The following COL4A2 variants were observed in gnomAD, a reference collection of about 807,000 sequenced individuals.
The protein encoded by COL4A2 is collagen type IV alpha 2 chain.
A neutral mutation model predicts 200.2 loss-of-function variants in COL4A2; 99 were observed. The ratio of observed to expected loss-of-function variants is 0.49; its 90% CI spans 0.42 to 0.58. The LOEUF is 0.58. Among genes scored for constraint, COL4A2 ranks in the 20% least tolerant of loss-of-function variants. The pLI is 0.00. For synonymous variants in COL4A2, 897 were observed against 900.6 expected, an observed-to-expected ratio of 1.00 and a Z score of 0.07; for missense variants, 1,950 against 2,314.1, an observed-to-expected ratio of 0.84 and a Z score of 3.23.
intron 46 of COL4A2, among the ~76,000 whole-genome samples, 195 bp downstream of exon 46, chr13:110,506,801 C>T (rs775540447): frequency 8.5e-5 from 13 of 152,214 alleles, no homozygotes; most frequent in Admixed American, 2.6e-4. Flanking sequence ...GCCCTTAAAC[C>T]TCAGGACCTT....
chr13:110,318,913 T>G (rs909871151), intron 3 of COL4A2, among the ~76,000 whole-genome samples: 2 of 152,054 alleles, frequency 1.3e-5, no homozygotes, highest in African/African-American at 4.8e-5. Context: ...TAATGAAATA[T>G]TCCATATTTC....
At chr13:110,316,098 G>C (rs1252401742) in intron 3 of COL4A2, among the ~76,000 whole-genome samples, 2 of 152,148 alleles carry the variant, frequency 1.3e-5, no homozygotes, top group Non-Finnish European at 2.9e-5. Context: ...CCCACCCATA[G>C]AATTCCTGTT....
chr13:110,419,635 G>C (rs1439198200), intron 4 of COL4A2, among the ~76,000 whole-genome samples: 2 of 152,164 alleles, frequency 1.3e-5, no homozygotes, highest in African/African-American at 2.4e-5. Flanking sequence ...CCACGGTCGT[G>C]GTATTTGAGT....
intron 24 of COL4A2, among the ~76,000 whole-genome samples, chr13:110,462,832 C>T (rs542785911): frequency 4.6e-5 from 7 of 152,284 alleles, no homozygotes; most frequent in East Asian, 1.9e-4. Flanking sequence ...GGGTCAGAGG[C>T]GCGGGAGGCA....
At chr13:110,467,450 G>C (rs1238504878) in intron 27 of COL4A2, among the ~76,000 whole-genome samples, 1 of 152,250 alleles carries the variant, frequency 6.6e-6, no homozygotes, top group Non-Finnish European at 1.5e-5. Flanking sequence ...CCAGGATCTA[G>C]GGGAAGAACC....
At chr13:110,477,877 C>A in intron 29 of COL4A2, 126 bp from the exon 30 acceptor site, 1 of 981,182 alleles carries the variant, frequency 1.0e-6, no homozygotes, top group Non-Finnish European at 1.4e-6. Flanking sequence ...TTGTGTTTTC[C>A]TGATTCTCTA....
At chr13:110,436,501 C>A in intron 13 of COL4A2, 134 bp downstream of exon 13, 1 of 1,211,326 alleles carries the variant, frequency 8.3e-7, no homozygotes, top group Non-Finnish European at 1.1e-6. Context: ...CCCATGAAAA[C>A]ATAACCGGGT....
In COL4A2 at chr13:110,459,507, T is replaced by C. The variant is rs2139494701; in HGVS notation, c.1596+573T>C. The C allele has an allele frequency of 2.7e-5, 4 of 146,604 alleles. No homozygotes were observed. In the Middle Eastern group the frequency reaches 0.014, roughly 509 times the overall value. 9.1% of individuals were successfully genotyped at this position (146,604 alleles called of 1,614,324 possible). A position where few individuals can be genotyped will look rare whatever the true frequency, so the allele number is the denominator to read the frequency against. The stretch of plus-strand genomic sequence containing the variant: ...TATCACATGGTCTCTCATTCTATTC[T>C]TATGAAATGTCCACACAGGCAACCT... On this transcript the variant is annotated intron_variant, in intron 22 of 47. Coordinates refer to ENST00000360467, the MANE Select transcript of COL4A2 (RefSeq NM_001846.4).
At chr13:110,390,172 C>A (rs1878934117) in intron 4 of COL4A2, among the ~76,000 whole-genome samples, 2 of 152,210 alleles carry the variant, frequency 1.3e-5, no homozygotes, top group African/African-American at 2.4e-5. Context: ...ACAATCACCC[C>A]ACTCAGGATT....
At chr13:110,446,547 G>T (rs1038157330) in intron 17 of COL4A2, among the ~76,000 whole-genome samples, 3 of 152,168 alleles carry the variant, frequency 2.0e-5, no homozygotes, top group Non-Finnish European at 4.4e-5. Flanking sequence ...ATTCGACAAG[G>T]ATTTCAAAAT....
chr13:110,409,150 TAC>T (rs1460281819), intron 4 of COL4A2, among the ~76,000 whole-genome samples: 76 of 151,056 alleles, frequency 5.0e-4, no homozygotes, highest in African/African-American at 1.8e-3. Context: ...CGCACACATG[TAC>T]ACACATGCAC....
chr13:110,458,877 G>T lies in COL4A2; in HGVS notation c.1539G>T (p.Arg513Ser), dbSNP rs1225090677. The T allele has an allele frequency of 1.9e-6, 3 of 1,611,294 alleles. No homozygotes were observed. The highest frequency in any genetic ancestry group is 2.7e-5 in the African/African-American group (2 of 74,700). ...CAGGCATCAACGGGGAGCCGGGGAG[G>T]AAAGGGGACAGAGGAGACCCCGGCC... is the stretch of plus-strand genomic sequence containing the variant. ...GFAGINGEPG[R>S]KGDRGDPGQH... Residue 513 changes from arginine (R) to serine (S), a missense_variant, in exon 22 of 48, where the codon AGG becomes AGT. Physicochemically the swap from Arg to Ser is moderately radical, Grantham distance 110 (BLOSUM62 -1). This residue lies in a region of COL4A2 where 1,385 missense variants were observed against 1,720.5 expected (regional missense o/e 0.80). Transcript: ENST00000360467.
At chr13:110,350,616 A>G (rs573169547) in intron 3 of COL4A2, among the ~76,000 whole-genome samples, 11 of 152,324 alleles carry the variant, frequency 7.2e-5, no homozygotes, top group Admixed American at 5.2e-4. Context: ...GTGATGGTTC[A>G]GTGGTTTCCA....
At chr13:110,439,862 C>G in intron 16 of COL4A2, 29 bp downstream of exon 16, 1 of 1,611,738 alleles carries the variant, frequency 6.2e-7, no homozygotes, top group Non-Finnish European at 8.5e-7. Flanking sequence ...CTGCAGTCTG[C>G]TCTGGGCCCA....
At chr13:110,439,768 T>G in intron 15 of COL4A2, 21 bp from the exon 16 acceptor site, 2 of 1,613,918 alleles carry the variant, frequency 1.2e-6, no homozygotes, top group Non-Finnish European at 8.5e-7. Flanking sequence ...GCTGTTTGCT[T>G]CTGTTTTTTG....
chr13:110,495,053 C>G (rs1052873408), intron 39 of COL4A2, among the ~76,000 whole-genome samples: 1 of 152,174 alleles, frequency 6.6e-6, no homozygotes, highest in African/African-American at 2.4e-5. Flanking sequence ...CCTAGAGGCC[C>G]GGGAGGGGTC....
intron 3 of COL4A2, among the ~76,000 whole-genome samples, chr13:110,311,951 C>T (rs1466952451): frequency 6.6e-6 from 1 of 152,222 alleles, no homozygotes; most frequent in African/African-American, 2.4e-5. Context: ...GCCTTCCCTG[C>T]CCTCCAGGCC....
intron 7 of COL4A2, chr13:110,428,923 T>C (rs929642069): frequency 9.2e-6 from 2 of 218,050 alleles, no homozygotes; most frequent in Non-Finnish European, 1.8e-5. Flanking sequence ...CTTTATCAGA[T>C]TATGAAATAC....
chr13:110,381,132 C>CT (rs1410676182), intron 4 of COL4A2, among the ~76,000 whole-genome samples: 1 of 151,556 alleles, frequency 6.6e-6, no homozygotes, highest in Non-Finnish European at 1.5e-5. Context: ...ACCAGAGGCT[C>CT]TATCTCACAC....
Sources: gnomAD v4.1 joint callset for allele counts (sites outside exome capture counted in the v4.1 genomes callset) on GRCh38, gnomAD v4.1.1 for gene constraint, gnomAD v4.1.1 regional missense constraint, MANE v1.5 for transcripts, NCBI Gene and HGNC (gene_info 2026-07-23, HGNC 2026-07-21) for gene names.